NSMF: variants seen among roughly 807,000 people sequenced by gnomAD.
NSMF encodes the protein nasal embryonic LHRH factor.
In NSMF, 31 loss-of-function variants were observed where a neutral mutation model predicts 71.0. The observed-to-expected ratio is 0.44, with a 90% confidence interval of 0.33 to 0.59. The LOEUF (loss-of-function observed/expected upper bound fraction) is 0.59, where lower values mean the gene tolerates loss of function less well. NSMF is among the 20% of genes least tolerant of loss of function. The probability of loss-of-function intolerance (pLI) is 0.04; values close to 1 mark genes in which losing one functional copy is unlikely to be tolerated. For synonymous variants in NSMF, 345 were observed against 287.1 expected, an observed-to-expected ratio of 1.20 and a Z score of -2.04; for missense variants, 673 against 740.5, an observed-to-expected ratio of 0.91 and a Z score of 1.06.
At chr9:137,449,791 C>G (rs1839822143) in intron 14 of NSMF, 117 bp from the exon 15 acceptor site, 3 of 1,307,206 alleles carry the variant, frequency 2.3e-6, no homozygotes. Context: ...TGGCTGGGCT[C>G]AGGCATAAAG....
At chr9:137,456,554 G>T in intron 3 of NSMF, 68 bp from the exon 4 acceptor site, 1 of 1,126,278 alleles carries the variant, frequency 8.9e-7, no homozygotes, top group Non-Finnish European at 1.4e-6. Flanking sequence ...CCTCCCTGTT[G>T]GGAAGCAGAT....
At chr9:137,457,161 C>A (rs1315787869) in intron 3 of NSMF, among the ~76,000 whole-genome samples, 6 of 152,184 alleles carry the variant, frequency 3.9e-5, no homozygotes, top group Admixed American at 3.3e-4. Flanking sequence ...CTTGATTGAC[C>A]TGGTGCTAGC....
intron 3 of NSMF, 47 bp from the exon 4 acceptor site, chr9:137,456,533 T>C: frequency 7.7e-7 from 1 of 1,304,620 alleles, no homozygotes; most frequent in Non-Finnish European, 1.1e-6. Context: ...TAGGGGTTCC[T>C]GAAGCCTCTC....
chr9:137,457,941 GC>G (rs1213597086), intron 2 of NSMF, 40 bp from the exon 3 acceptor site: 8 of 1,535,598 alleles, frequency 5.2e-6, no homozygotes, highest in East Asian at 4.9e-5. Flanking sequence ...CCGCGTGTGG[GC>G]CCCCCGCTGC....
Position 137,453,855 on chromosome 9 carries a change from G to A in NSMF, c.833-35C>T, listed in dbSNP as rs556837948. The A allele has an allele frequency of 5.9e-6, 9 of 1,537,068 alleles. No individual in the cohort carries two copies. Among genetic ancestry groups the A allele is most frequent in the African/African-American group, 4.1e-5 (3 of 73,676 alleles). ...GCAAAACCCGCATTAGCGAGCGGGT[G>A]GGGCGGGGCCTCGGGAGTCTCAGAC... On this transcript the variant is annotated intron_variant, in intron 7 of 15. Transcript: ENST00000371475. The surrounding 1 kb of genome is among the most constrained non-coding windows in gnomAD (Gnocchi z 4.5).
chr9:137,455,256 G>T lies in NSMF; in HGVS notation c.762C>A (p.Ser254=). The change falls in exon 6 of 16, where the codon TCC becomes TCA. Residue 254 remains serine (S), a synonymous_variant. Coordinates refer to ENST00000371475, the MANE Select transcript of NSMF (RefSeq NM_001130969.3). ...GGCCCTACCTCTGGATTACAGACGCGGAATCATTCTCCCGTTTCCGGCGCT... is the reference window on the plus strand; with the variant it reads ...GGCCCTACCTCTGGATTACAGACGCTGAATCATTCTCCCGTTTCCGGCGCT... ...ERKRRKREND[S]ASVIQRNFRK... is the part of the protein sequence containing the mutation. 6 of 1,612,812 alleles carry T rather than the reference G, an allele frequency of 3.7e-6. No homozygotes were observed. The highest frequency in any genetic ancestry group is 5.1e-6 in the Non-Finnish European group (6 of 1,179,926).
chr9:137,448,980 G>A lies in NSMF; in HGVS notation c.*414C>T. On this transcript the variant is annotated 3_prime_UTR_variant, in exon 16 of 16. Transcript: ENST00000371475. The surrounding 1 kb of genome is among the most constrained non-coding windows in gnomAD (Gnocchi z 5.3). The stretch of plus-strand genomic sequence containing the variant: ...CACATGTGGGCTGCTGGGCTGCTGG[G>A]CCGGGGTGCCTACACTGTAACTAGC... 3.1e-6 allele frequency: 1 copy of A among 326,282 alleles called. No homozygotes were observed. The highest frequency in any genetic ancestry group is 6.0e-6 in the Non-Finnish European group (1 of 167,058). The allele number at this position is 326,282 out of a possible 1,614,324, so 20.2% of individuals were successfully genotyped here. A position where few individuals can be genotyped will look rare whatever the true frequency, so the allele number is the denominator to read the frequency against.
chr9:137,458,303 C>T (rs976184025), intron 2 of NSMF, among the ~76,000 whole-genome samples, 185 bp downstream of exon 2: 6 of 152,128 alleles, frequency 3.9e-5, no homozygotes, highest in African/African-American at 1.2e-4. Flanking sequence ...GCCATGGTGA[C>T]GAGCGGCTGG....
Position 137,455,623 on chromosome 9 carries a change from A to T in NSMF, c.710+6T>A, listed in dbSNP as rs748646280. On this transcript the variant is annotated splice_donor_region_variant and intron_variant, in intron 5 of 15. Transcript: ENST00000371475. The stretch of plus-strand genomic sequence containing the variant: ...CCCTTAGGCACCAAGTCATACAGGT[A>T]CTTACGAGATGCTGAAGCCAGGGCC... 1 of 1,550,364 alleles carries T rather than the reference A, an allele frequency of 6.5e-7. No homozygotes were observed. Among genetic ancestry groups the T allele is most frequent in the Non-Finnish European group, 8.7e-7 (1 of 1,146,884 alleles).
chr9:137,449,962 G>T lies in NSMF; in HGVS notation c.1380C>A (p.Ile460=). Residue 460 remains isoleucine (I), a synonymous_variant, in exon 14 of 16, where the codon ATC becomes ATA. Coordinates refer to ENST00000371475, the MANE Select transcript of NSMF (RefSeq NM_001130969.3). ...GGTTCCCCAGAATGTAGCAGCCCAT[G>T]ATGTGGATGACGTTCGGCTCTGGGT... ...KVNPEPNVIH[I]MGCYILGNPN... is the part of the protein sequence containing the mutation. 1.2e-6 allele frequency: 2 copies of T among 1,613,248 alleles called. No homozygotes were observed. The highest frequency in any genetic ancestry group is 1.7e-6 in the Non-Finnish European group (2 of 1,179,916).
Position 137,457,696 on chromosome 9 carries a change from G to T in NSMF, c.339C>A (p.Ser113Arg). 1 of 1,552,234 alleles carries T rather than the reference G, an allele frequency of 6.4e-7. No individual in the cohort carries two copies. Among genetic ancestry groups the T allele is most frequent in the Non-Finnish European group, 8.7e-7 (1 of 1,147,936 alleles). The change falls in exon 3 of 16, where the codon AGC (serine) becomes AGA (arginine). Residue 113 changes from serine to arginine, a missense_variant. Around this residue, in one of 2 missense-constraint regions of NSMF, gnomAD observed 471 missense variants for 459.6 expected, o/e 1.02. Coordinates refer to ENST00000371475, the MANE Select transcript of NSMF (RefSeq NM_001130969.3). ...TISGEPALLP[S>R]PEAEAIELAV... ...CCAGCTCAATGGCCTCCGCCTCAGG[G>T]CTGGGCAGCAGGGCAGGCTCCCCAG...
intron 2 of NSMF, 43 bp downstream of exon 2, chr9:137,458,445 T>TG (rs1264672818): frequency 4.0e-6 from 6 of 1,516,100 alleles, no homozygotes; most frequent in Non-Finnish European, 4.5e-6. Context: ...TCCCTTGGGC[T>TG]GGGGGGTCTG....
chr9:137,458,451 G>T, intron 2 of NSMF, 37 bp downstream of exon 2: 1 of 1,537,248 alleles, frequency 6.5e-7, no homozygotes, highest in Non-Finnish European at 8.8e-7. Flanking sequence ...GGGCTGGGGG[G>T]TCTGGGCGGC....
chr9:137,453,162 G>A lies in NSMF; in HGVS notation c.941C>T (p.Ser314Phe), dbSNP rs763657046. Residue 314 changes from serine to phenylalanine, a missense_variant, in exon 9 of 16, where the codon TCC becomes TTC. Coordinates refer to ENST00000371475, the MANE Select transcript of NSMF (RefSeq NM_001130969.3). The surrounding 1 kb of genome is among the most constrained non-coding windows in gnomAD (Gnocchi z 4.5). The part of the protein sequence containing the change: ...DSRDSSDLQS[S>F]HCTLDEAFED... ...GAAGGCCTCGTCCAGCGTGCAGTGG[G>A]AGCTCTGCAGGTCACTGCCTGGGAA... is the stretch of plus-strand genomic sequence containing the variant. 8 of 1,612,638 alleles carry A rather than the reference G, an allele frequency of 5.0e-6. No individual in the cohort carries two copies. The Admixed American group carries it at 1.3e-4, about 27-fold the overall frequency.
chr9:137,458,360 G>T, intron 2 of NSMF, 128 bp downstream of exon 2: 1 of 855,046 alleles, frequency 1.2e-6, no homozygotes, highest in Non-Finnish European at 1.9e-6. Flanking sequence ...ATGTAAGGAA[G>T]CCAGGCCGGC....
intron 12 of NSMF, 117 bp downstream of exon 12, chr9:137,452,248 G>A (rs1830570719): frequency 1.7e-6 from 1 of 574,082 alleles, no homozygotes; most frequent in African/African-American, 3.6e-5. Context: ...TCTTCCCCTT[G>A]GTCTCCCCAC....
chr9:137,454,787 C>A, intron 6 of NSMF: 1 of 1,391,616 alleles, frequency 7.2e-7, no homozygotes, highest in Non-Finnish European at 9.4e-7. Context: ...ATCCAGCCTG[C>A]CTGCGCTGCA....
At position 137,448,332 on chromosome 9, in the gene NSMF, C is replaced by G. The variant is rs1370801730; in HGVS notation, c.*1062G>C. ...AGCTGGGAACACAGCCAGGTGCCCT[C>G]AGACCCCTGGCTCTGCACAAGGGGG... On this transcript the variant is annotated 3_prime_UTR_variant, in exon 16 of 16. Coordinates refer to ENST00000371475, the MANE Select transcript of NSMF (RefSeq NM_001130969.3). The surrounding 1 kb of genome is among the most constrained non-coding windows in gnomAD (Gnocchi z 5.3). The G allele has an allele frequency of 6.6e-6, 1 of 152,550 alleles. No individual in the cohort carries two copies. The highest frequency in any genetic ancestry group is 6.5e-5 in the Admixed American group (1 of 15,294). 9.4% of individuals were successfully genotyped at this position (152,550 alleles called of 1,614,324 possible).
intron 4 of NSMF, 116 bp downstream of exon 4, chr9:137,456,295 G>A (rs568630442): frequency 2.0e-5 from 17 of 864,740 alleles, no homozygotes; most frequent in African/African-American, 1.5e-4. Flanking sequence ...TAGGCACGTG[G>A]GTCTGTTCAG....
Sources: gnomAD v4.1 joint callset for allele counts (sites outside exome capture counted in the v4.1 genomes callset) on GRCh38, gnomAD v4.1.1 for gene constraint, gnomAD v4.1.1 regional missense constraint, Gnocchi (gnomAD v3.1) non-coding constraint, MANE v1.5 for transcripts, NCBI Gene and HGNC (gene_info 2026-07-23, HGNC 2026-07-21) for gene names.